Variants in ALX4 observed in about 807,000 individuals in gnomAD.
ALX4 encodes the protein ALX homeobox 4.
Under a neutral mutation model 40.6 loss-of-function variants are expected in ALX4, and 22 were observed. The observed-to-expected ratio is 0.54, with a 90% CI of 0.39 to 0.77. The LOEUF is 0.77. Ranked by LOEUF, ALX4 falls within the 30% of genes least tolerant of loss-of-function variation. The pLI is 0.00. For synonymous variants in ALX4, 266 were observed against 240.5 expected (o/e 1.11, Z -0.98); for missense variants, 556 against 564.8 (o/e 0.98, Z 0.16).
At chr11:44,307,355 C>A (rs1189673297) in intron 1 of ALX4, among the ~76,000 whole-genome samples, 1 of 152,200 alleles carries the variant, frequency 6.6e-6, no homozygotes, top group African/African-American at 2.4e-5. Context: ...GGTCAAGTGG[C>A]TGGCCCTTTC....
chr11:44,290,926 AAC>A (rs1234593562), intron 1 of ALX4, among the ~76,000 whole-genome samples: 2 of 152,138 alleles, frequency 1.3e-5, no homozygotes, highest in African/African-American at 4.8e-5. Context: ...ATGATATATT[AAC>A]ACAGTTATGA....
intron 1 of ALX4, among the ~76,000 whole-genome samples, chr11:44,284,618 C>T (rs1280590742): frequency 6.6e-6 from 1 of 152,282 alleles, no homozygotes; most frequent in East Asian, 1.9e-4. Flanking sequence ...CTGGTCCCCA[C>T]CAGACTCACG....
At chr11:44,271,448 C>G (rs1956246897) in intron 2 of ALX4, among the ~76,000 whole-genome samples, 1 of 152,206 alleles carries the variant, frequency 6.6e-6, no homozygotes, top group Non-Finnish European at 1.5e-5. Flanking sequence ...ATTTCCAGCA[C>G]TACCGTTCTA....
chr11:44,296,146 T>C lies in ALX4; in HGVS notation c.466+13451A>G, dbSNP rs114151637. Among the ~76,000 whole-genome samples, 1,364 of 152,328 alleles carry C rather than the reference T, an allele frequency of 9.0e-3. 19 individuals are homozygous for C. The highest frequency in any genetic ancestry group is 0.031 in the African/African-American group (1,285 of 41,568). On this transcript the variant is annotated intron_variant, in intron 1 of 3. Coordinates refer to ENST00000652299, the MANE Select transcript of ALX4 (RefSeq NM_021926.4). ...CAAATGCAACAGAATAGAGACCAGATGTAAACTCTCAAATACATGCGCAAT... is the reference window on the plus strand; with the variant it reads ...CAAATGCAACAGAATAGAGACCAGACGTAAACTCTCAAATACATGCGCAAT...
rs575302604 is a variant in ALX4 at position 44,270,100 on chromosome 11, G to A, written c.778-2478C>T. ...GATGGGCGGGGAGGGACCCCGAAGA[G>A]GGAAGGAGGTGGCCAGCGCCTGGCA... On this transcript the variant is annotated intron_variant, in intron 2 of 3. Coordinates refer to ENST00000652299, the MANE Select transcript of ALX4 (RefSeq NM_021926.4). Among the ~76,000 whole-genome samples the A allele has an allele frequency of 8.3e-4, 126 of 152,242 alleles. No individual in the cohort carries two copies. In the South Asian group the frequency reaches 9.8e-3, roughly 12 times the overall value.
intron 2 of ALX4, among the ~76,000 whole-genome samples, chr11:44,272,835 G>T (rs1411538228): frequency 1.3e-5 from 2 of 151,948 alleles, no homozygotes; most frequent in Admixed American, 6.6e-5. Context: ...AAAAAAAAAT[G>T]GCAGGCTGCC....
intron 3 of ALX4, 45 bp from the exon 4 acceptor site, chr11:44,265,228 G>T: frequency 1.3e-6 from 2 of 1,531,200 alleles, no homozygotes; most frequent in South Asian, 1.3e-5. Context: ...GGGCAGGTGT[G>T]GTGTGGAAGG....
At chr11:44,275,775 C>T (rs932389281) in intron 1 of ALX4, 117 bp from the exon 2 acceptor site, 3 of 978,984 alleles carry the variant, frequency 3.1e-6, no homozygotes, top group African/African-American at 3.3e-5. Flanking sequence ...CCTCTTAGAG[C>T]TCATTGGATG....
chr11:44,293,166 A>G (rs1044852862), intron 1 of ALX4, among the ~76,000 whole-genome samples: 738 of 11,706 alleles, frequency 0.063, 96 homozygotes, highest in Admixed American at 0.097. Flanking sequence ...GAAGGAAGGA[A>G]GGAAGCAGGC....
In ALX4 at chr11:44,293,618, G is replaced by A. The variant is rs112820767; in HGVS notation, c.466+15979C>T. Among the ~76,000 whole-genome samples the A allele has an allele frequency of 4.1e-3, 623 of 152,296 alleles. 5 individuals carry two copies. The highest frequency in any genetic ancestry group is 0.015 in the African/African-American group (605 of 41,558). On this transcript the variant is annotated intron_variant, in intron 1 of 3. Transcript: ENST00000652299. ...GGGCTCTGTGGAATCTTCTCTCATG[G>A]GGCTAAATCCTGGGGGATGCATTAA...
In ALX4 at chr11:44,275,556, G is replaced by A. The variant is rs143620051; in HGVS notation, c.569C>T (p.Pro190Leu). 3.0e-5 allele frequency: 49 copies of A among 1,614,004 alleles called. No individual in the cohort carries two copies. In the Admixed American group the frequency reaches 4.3e-4, roughly 14 times the overall value. The change falls in exon 2 of 4, where the codon CCC becomes CTC. Residue 190 changes from proline (P) to leucine (L), a missense_variant. Coordinates refer to ENST00000652299, the MANE Select transcript of ALX4 (RefSeq NM_021926.4). ...GAGGTCTGAGCTGGCCCGGTCCTGG[G>A]GCCCCTTCACCCCAGCCTCCTTGAC... ...LSVKEAGVKG[P>L]QDRASSDLPS...
At chr11:44,292,586 A>G (rs890779242) in intron 1 of ALX4, among the ~76,000 whole-genome samples, 1 of 151,992 alleles carries the variant, frequency 6.6e-6, no homozygotes, top group African/African-American at 2.4e-5. Context: ...ATTCTTCAAT[A>G]TTTGCTTTTT....
At chr11:44,265,966 AG>A (rs201487211) in intron 3 of ALX4, among the ~76,000 whole-genome samples, 1 of 151,428 alleles carries the variant, frequency 6.6e-6, no homozygotes, top group African/African-American at 2.4e-5. Flanking sequence ...AGGTAGAATT[AG>A]GGTGTGGGGG....
intron 1 of ALX4, among the ~76,000 whole-genome samples, chr11:44,282,871 C>A (rs971838318): frequency 6.6e-6 from 1 of 152,206 alleles, no homozygotes; most frequent in Non-Finnish European, 1.5e-5. Flanking sequence ...TGTGATGGAA[C>A]TATTCTGTAT....
At chr11:44,302,931 T>C (rs1590704268) in intron 1 of ALX4, among the ~76,000 whole-genome samples, 1 of 152,084 alleles carries the variant, frequency 6.6e-6, no homozygotes, top group South Asian at 2.1e-4. Flanking sequence ...CTTTGGAAAT[T>C]GTCAACACTC....
At chr11:44,296,779 C>T (rs576184038) in intron 1 of ALX4, among the ~76,000 whole-genome samples, 20 of 152,088 alleles carry the variant, frequency 1.3e-4, no homozygotes, top group Non-Finnish European at 2.6e-4. Flanking sequence ...GAGGCTGAGG[C>T]GGGTGGATCA....
chr11:44,286,064 T>C (rs536195462), intron 1 of ALX4, among the ~76,000 whole-genome samples: 71 of 152,338 alleles, frequency 4.7e-4, no homozygotes, highest in Non-Finnish European at 8.7e-4. Flanking sequence ...GGGTGGCCAG[T>C]GTGTCTGCAG....
chr11:44,269,619 A>T (rs750035728), intron 2 of ALX4, among the ~76,000 whole-genome samples: 2 of 152,098 alleles, frequency 1.3e-5, no homozygotes, highest in Non-Finnish European at 2.9e-5. Context: ...CCCTCTCCCC[A>T]GTTTGGGGTC....
chr11:44,299,637 G>A (rs988362280), intron 1 of ALX4, among the ~76,000 whole-genome samples: 1 of 152,154 alleles, frequency 6.6e-6, no homozygotes, highest in Admixed American at 6.5e-5. Flanking sequence ...TGGGATTACG[G>A]GCATGAGCCA....
Sources: gnomAD v4.1 joint callset for allele counts (sites outside exome capture counted in the v4.1 genomes callset) on GRCh38, gnomAD v4.1.1 for gene constraint, MANE v1.5 for transcripts, NCBI Gene and HGNC (gene_info 2026-07-23, HGNC 2026-07-21) for gene names.